Variants in LAMB3 observed in about 807,000 individuals in gnomAD.
The protein encoded by LAMB3 is laminin subunit beta 3.
Under a neutral mutation model 140.3 loss-of-function variants are expected in LAMB3, and 104 were observed. That is an observed-to-expected ratio of 0.74 (90% CI 0.63 to 0.87). The LOEUF is 0.87. LAMB3 is among the 40% of genes least tolerant of loss of function. The pLI, the probability that LAMB3 is intolerant of heterozygous loss-of-function variation, is 0.00. For missense variants in LAMB3, 1,531 were observed against 1,575.2 expected (o/e 0.97, Z 0.47); for synonymous variants, 592 against 602.9 (o/e 0.98, Z 0.26).
At chr1:209,637,239 A>G (rs1273330609) in intron 5 of LAMB3, among the ~76,000 whole-genome samples, 1 of 152,200 alleles carries the variant, frequency 6.6e-6, no homozygotes, top group Admixed American at 6.5e-5. Flanking sequence ...TTTTTATTCC[A>G]AGCTCATTTT....
chr1:209,628,668 C>T (rs1483581626), intron 10 of LAMB3, among the ~76,000 whole-genome samples: 1 of 150,532 alleles, frequency 6.6e-6, no homozygotes, highest in Non-Finnish European at 1.5e-5. Context: ...TGCACTCCAG[C>T]CTGGGCAACA....
intron 21 of LAMB3, 56 bp from the exon 22 acceptor site, chr1:209,616,680 C>T: frequency 6.3e-7 from 1 of 1,576,228 alleles, no homozygotes; most frequent in Non-Finnish European, 8.7e-7. Flanking sequence ...TCCTAAAGAC[C>T]TGTGGCCAAA....
intron 9 of LAMB3, among the ~76,000 whole-genome samples, chr1:209,630,190 A>G (rs1666628158): frequency 6.6e-6 from 1 of 152,226 alleles, no homozygotes; most frequent in Non-Finnish European, 1.5e-5. Context: ...GGCCAAAGAA[A>G]GAGCCCTTTG....
At chr1:209,618,421 G>A (rs1246100355) in intron 19 of LAMB3, 31 bp downstream of exon 19, 2 of 1,606,296 alleles carry the variant, frequency 1.2e-6, no homozygotes, top group Non-Finnish European at 1.7e-6. Context: ...TTAATCCTGG[G>A]CAGAGAGAAG....
Position 209,627,385 on chromosome 1 carries a change from G to T in LAMB3, c.1483C>A (p.Gln495Lys). 1 of 1,612,694 alleles carries T rather than the reference G, an allele frequency of 6.2e-7. No homozygotes were observed. Among genetic ancestry groups the T allele is most frequent in the Non-Finnish European group, 8.5e-7 (1 of 1,179,204 alleles). Residue 495 changes from glutamine (Q) to lysine (K), a missense_variant and splice_region_variant, in exon 12 of 23, where the codon CAG becomes AAG. By Grantham distance (53) the Gln-to-Lys change is moderately conservative. Transcript: ENST00000356082. ...CCCGGACCACCCTCACTTCGTACCT[G>T]GTTGCACTGTGGGCTGAGGGAGTTG... ...PHNSLSPQCN[Q>K]FTGQCPCREG... is the part of the protein sequence containing the mutation.
intron 3 of LAMB3, among the ~76,000 whole-genome samples, chr1:209,640,900 T>G (rs560938826): frequency 1.3e-5 from 2 of 151,504 alleles, no homozygotes; most frequent in East Asian, 3.9e-4. Context: ...GCTAACACAG[T>G]GAAACCCCCT....
At chr1:209,649,369 T>A (rs1418053457) in intron 3 of LAMB3, among the ~76,000 whole-genome samples, 1 of 152,004 alleles carries the variant, frequency 6.6e-6, no homozygotes, top group Non-Finnish European at 1.5e-5. Context: ...AAACCAAAGT[T>A]CCTATAAAAA....
chr1:209,632,956 C>T lies in LAMB3; in HGVS notation c.628+114G>A, dbSNP rs60163166. The T allele has an allele frequency of 3.3e-5, 36 of 1,076,494 alleles. No homozygotes were observed. In the East Asian group the frequency reaches 8.0e-4, roughly 24 times the overall value. 66.7% of individuals were successfully genotyped at this position (1,076,494 alleles called of 1,614,324 possible). A position where few individuals can be genotyped will look rare whatever the true frequency, so the allele number is the denominator to read the frequency against. On this transcript the variant is annotated intron_variant, in intron 7 of 22. Transcript: ENST00000356082. ...GGGGCAAGCAGGGCAAGTATCAAAT[C>T]CCCAACCACGTTGACAAAAACATGA... is the stretch of plus-strand genomic sequence containing the variant.
chr1:209,642,291 A>G (rs532402540), intron 3 of LAMB3, among the ~76,000 whole-genome samples: 1 of 152,310 alleles, frequency 6.6e-6, no homozygotes, highest in Non-Finnish European at 1.5e-5. Flanking sequence ...AAAGGAATGT[A>G]AAGTATTTGG....
chr1:209,647,844 A>T (rs1027558019), intron 3 of LAMB3, among the ~76,000 whole-genome samples: 4 of 152,256 alleles, frequency 2.6e-5, no homozygotes, highest in Non-Finnish European at 5.9e-5. Context: ...TGGGTGTTAT[A>T]AGAATTATTT....
At chr1:209,628,232 G>T (rs1023280749) in intron 10 of LAMB3, 42 bp from the exon 11 acceptor site, 3 of 1,548,986 alleles carry the variant, frequency 1.9e-6, no homozygotes, top group Non-Finnish European at 2.6e-6. Flanking sequence ...ACAAAGAAAA[G>T]TAGAGTTCAG....
chr1:209,652,268 G>A (rs2076573689), intron 1 of LAMB3, 101 bp downstream of exon 1: 1 of 152,348 alleles, frequency 6.6e-6, no homozygotes, highest in African/African-American at 2.4e-5. Context: ...CTCCCAGGAA[G>A]AGGAATAAAT....
chr1:209,615,493 T>A, intron 22 of LAMB3, 86 bp from the exon 23 acceptor site: 2 of 1,456,466 alleles, frequency 1.4e-6, no homozygotes, highest in Non-Finnish European at 1.8e-6. Context: ...TCCTGCTAAC[T>A]GGAGGTAGCA....
intron 12 of LAMB3, 31 bp from the exon 13 acceptor site, chr1:209,627,009 T>C (rs1666485643): frequency 6.8e-7 from 1 of 1,467,166 alleles, no homozygotes; most frequent in Non-Finnish European, 9.5e-7. Context: ...CAGTGGACCC[T>C]GCCTCACAGC....
chr1:209,645,707 C>G (rs2076510926), intron 3 of LAMB3, among the ~76,000 whole-genome samples: 1 of 139,934 alleles, frequency 7.1e-6, no homozygotes, highest in African/African-American at 2.8e-5. Context: ...CAGAGCAAGA[C>G]TCTGTGTCCC....
chr1:209,624,016 A>G lies in LAMB3; in HGVS notation c.1977-16T>C. 4 of 1,609,208 alleles carry G rather than the reference A, an allele frequency of 2.5e-6. No homozygotes were observed. The highest frequency in any genetic ancestry group is 2.5e-6 in the Non-Finnish European group (3 of 1,179,446). On this transcript the variant is annotated splice_polypyrimidine_tract_variant and intron_variant, in intron 14 of 22. Transcript: ENST00000356082. The stretch of plus-strand genomic sequence containing the variant: ...GAGAGTTCGCCTGAGAAGGGAGAGG[A>G]GCTTACACTAAAATATAGGAGGGAG...
chr1:209,632,194 G>A (rs1666715745), intron 8 of LAMB3, among the ~76,000 whole-genome samples: 1 of 152,272 alleles, frequency 6.6e-6, no homozygotes, highest in Non-Finnish European at 1.5e-5. Context: ...CTCAGACCTG[G>A]CAGTACATTC....
In LAMB3 at chr1:209,623,163, C is replaced by T. The variant is rs757478374; in HGVS notation, c.2375G>A (p.Arg792Lys). 1 of 1,614,234 alleles carries T rather than the reference C, an allele frequency of 6.2e-7. No individual in the cohort carries two copies. The highest frequency in any genetic ancestry group is 1.1e-5 in the South Asian group (1 of 91,084). ...PTFNKLCGNS[R>K]QMACTPISCP... ...TGATATTGGGGTGCAAGCCATCTGC[C>T]TGGAGTTGCCACAGAGCTGTGGACA... Residue 792 changes from arginine (R) to lysine (K), a missense_variant, in exon 17 of 23, where the codon AGG becomes AAG. Physicochemically the swap from Arg to Lys is conservative, Grantham distance 26. Coordinates refer to ENST00000356082, the MANE Select transcript of LAMB3 (RefSeq NM_000228.3). The surrounding 1 kb of genome is among the most constrained non-coding windows in gnomAD (Gnocchi z 4.2).
intron 14 of LAMB3, among the ~76,000 whole-genome samples, chr1:209,624,378 C>T (rs1035368833): frequency 6.6e-6 from 1 of 152,202 alleles, no homozygotes; most frequent in Non-Finnish European, 1.5e-5. Context: ...AAATCTCTTC[C>T]ACAGTCCACA....
Sources: allele counts gnomAD v4.1 joint callset (sites outside exome capture counted in the v4.1 genomes callset), GRCh38; gene constraint gnomAD v4.1.1; non-coding constraint Gnocchi (gnomAD v3.1); transcripts MANE v1.5; gene names NCBI Gene and HGNC (gene_info 2026-07-23, HGNC 2026-07-21).